NSUN7: variants seen among roughly 807,000 people sequenced by gnomAD.
NSUN7 encodes protein NSUN7.
Under a neutral mutation model 58.5 loss-of-function variants are expected in NSUN7, and 39 were observed. The observed-to-expected ratio is 0.67, with a 90% CI of 0.52 to 0.87. The LOEUF (loss-of-function observed/expected upper bound fraction) is 0.87. NSUN7 is among the 40% of genes least tolerant of loss of function. The pLI is 0.00. For synonymous variants in NSUN7, 278 were observed against 303.7 expected (o/e 0.92, Z 0.88); for missense variants, 765 against 844.1 (o/e 0.91, Z 1.16).
In NSUN7 at chr4:40,808,856, ACACACT is replaced by A. The variant is rs780012462; in HGVS notation, c.2078_2083del (p.His693_Ser694del). 2.5e-5 allele frequency: 38 copies of A among 1,548,594 alleles called. No individual in the cohort carries two copies. Among genetic ancestry groups the A allele is most frequent in the Admixed American group, 3.9e-5 (2 of 50,778 alleles). Reference sequence around the variant, plus strand: ...GGCACTTGTGCCCACCTGCCTTCCCACACACTCACTATCCAGAAAAGAGGAAAAGCC... The same window carrying A: ...GGCACTTGTGCCCACCTGCCTTCCCACACTATCCAGAAAAGAGGAAAAGCC... On this transcript the variant is annotated inframe_deletion, in exon 12 of 12. Transcript: ENST00000381782.
At chr4:40,763,082 G>A (rs953104951) in intron 4 of NSUN7, among the ~76,000 whole-genome samples, 22 of 152,160 alleles carry the variant, frequency 1.4e-4, no homozygotes, top group African/African-American at 5.3e-4. Flanking sequence ...GAACTGGAAA[G>A]GGGAGTAGCC....
At chr4:40,761,094 G>A (rs769860867) in intron 3 of NSUN7, 77 bp from the exon 4 acceptor site, 5 of 1,129,526 alleles carry the variant, frequency 4.4e-6, no homozygotes, top group Non-Finnish European at 6.4e-6. Context: ...AAAAATAATG[G>A]AATGGAATGG....
In NSUN7 at chr4:40,807,148, T is replaced by A. The variant is rs1024967945; in HGVS notation, c.1488T>A (p.Ile496=). Residue 496 remains isoleucine, a synonymous_variant, in exon 11 of 12, where the codon ATT becomes ATA. Transcript: ENST00000381782. ...TTTTCAGAATGGAACCATCTGAAAT[T>A]ACCAATGGTTGTTTTCTTTCTATTT... ...DKFFRMEPSE[I]TNGCFLSILT... The A allele has an allele frequency of 2.8e-5, 44 of 1,550,486 alleles. No homozygotes were observed. The highest frequency in any genetic ancestry group is 3.8e-5 in the Non-Finnish European group (44 of 1,146,526).
chr4:40,808,883 A>G lies in NSUN7; in HGVS notation c.2101A>G (p.Lys701Glu). Reference sequence around the variant, plus strand: ...ACACTCACTATCCAGAAAAGAGGAAAAGCCTAAAGATGACACACCTTCCTC... The same window carrying G: ...ACACTCACTATCCAGAAAAGAGGAAGAGCCTAAAGATGACACACCTTCCTC... ...PTHSLSRKEE[K>E]PKDDTPSSLL... Residue 701 changes from lysine (K) to glutamate (E), a missense_variant, in exon 12 of 12, where the codon AAG becomes GAG. By Grantham distance (56) the Lys-to-Glu change is moderately conservative. Coordinates refer to ENST00000381782, the MANE Select transcript of NSUN7 (RefSeq NM_024677.6). The G allele has an allele frequency of 6.5e-7, 1 of 1,545,174 alleles. No individual in the cohort carries two copies. The highest frequency in any genetic ancestry group is 1.2e-5 in the South Asian group (1 of 83,956).
intron 7 of NSUN7, chr4:40,786,111 A>T: frequency 3.9e-6 from 6 of 1,556,464 alleles, no homozygotes; most frequent in Non-Finnish European, 5.2e-6. Flanking sequence ...TGCACCTGGA[A>T]ATGGGGAATG....
At chr4:40,750,538 A>AG (rs1424885080) in intron 1 of NSUN7, 65 bp from the exon 2 acceptor site, 1 of 808,050 alleles carries the variant, frequency 1.2e-6, no homozygotes, top group East Asian at 2.7e-5. Context: ...GCCACAACGA[A>AG]GGGGGCCACC....
At chr4:40,783,837 G>T (rs1364598885) in intron 7 of NSUN7, among the ~76,000 whole-genome samples, 1 of 147,768 alleles carries the variant, frequency 6.8e-6, no homozygotes, top group East Asian at 2.0e-4. Flanking sequence ...AACAGAGCGA[G>T]AATCCATTTA....
At chr4:40,754,370 A>ACTC (rs1741029738) in intron 2 of NSUN7, among the ~76,000 whole-genome samples, 1 of 150,802 alleles carries the variant, frequency 6.6e-6, no homozygotes, top group Non-Finnish European at 1.5e-5. Context: ...CTGGTCTTGA[A>ACTC]CTCCTAACCT....
rs147511836 is a variant in NSUN7 at position 40,778,932 on chromosome 4, T to C, written c.1036+2673T>C. Among the ~76,000 whole-genome samples the C allele has an allele frequency of 5.3e-5, 8 of 152,290 alleles. No individual in the cohort carries two copies. The East Asian group carries it at 1.5e-3, about 29-fold the overall frequency. On this transcript the variant is annotated intron_variant, in intron 7 of 11. Transcript: ENST00000381782. ...TTTTTATATCCACCAAAAATACTCT[T>C]TGAAATAAAATAAAATAAAGATATT...
At chr4:40,808,262 A>G (rs1423175436) in intron 11 of NSUN7, 45 bp from the exon 12 acceptor site, 2 of 1,547,018 alleles carry the variant, frequency 1.3e-6, no homozygotes, top group African/African-American at 1.4e-5. Context: ...GGGAGACACA[A>G]TAATAGCTAA....
At position 40,808,778 on chromosome 4, in the gene NSUN7, AT is replaced by A; in HGVS notation, c.1997del (p.Ile666ThrfsTer76). 1 of 1,549,200 alleles carries A rather than the reference AT, an allele frequency of 6.5e-7. No homozygotes were observed. The highest frequency in any genetic ancestry group is 1.2e-5 in the South Asian group (1 of 83,828). ...VFMPFSSPQG[I>X]RSRMPTQHLY... ...TATGCCATTTTCAAGTCCCCAAGGG[AT>A]CAGATCTCGGATGCCAACTCAACAT... On this transcript the variant is annotated frameshift_variant, in exon 12 of 12. Coordinates refer to ENST00000381782, the MANE Select transcript of NSUN7 (RefSeq NM_024677.6). LOFTEE classifies it low-confidence loss of function (END_TRUNC).
chr4:40,797,340 C>G (rs1743364866), intron 9 of NSUN7, among the ~76,000 whole-genome samples: 1 of 152,154 alleles, frequency 6.6e-6, no homozygotes, highest in African/African-American at 2.4e-5. Context: ...GTCTAAACTT[C>G]CTCTTGAAAC....
intron 7 of NSUN7, among the ~76,000 whole-genome samples, chr4:40,781,934 G>A (rs1376809605): frequency 6.6e-6 from 1 of 152,006 alleles, no homozygotes; most frequent in African/African-American, 2.4e-5. Context: ...AATTATGAAA[G>A]GTTTAATTCA....
At chr4:40,791,316 AAAT>A (rs1743064364) in intron 8 of NSUN7, among the ~76,000 whole-genome samples, 1 of 152,230 alleles carries the variant, frequency 6.6e-6, no homozygotes. Flanking sequence ...AATACATTTA[AAAT>A]AATAATTATT....
At position 40,776,093 on chromosome 4, in the gene NSUN7, A is replaced by T; in HGVS notation, c.870A>T (p.Leu290Phe). Residue 290 changes from leucine to phenylalanine, a missense_variant, in exon 7 of 12, where the codon TTA (leucine) becomes TTT (phenylalanine). By Grantham distance (22) the Leu-to-Phe change is conservative (BLOSUM62 0). Coordinates refer to ENST00000381782, the MANE Select transcript of NSUN7 (RefSeq NM_024677.6). Reference protein sequence around the residue: ...SLAVHSVKALLNMDDDVLMVN... With the variant: ...SLAVHSVKALFNMDDDVLMVN... ...CTGTCCATTCTGTAAAGGCTTTATT[A>T]AATATGGATGATGATGTCTTAATGG... 1 of 1,609,890 alleles carries T rather than the reference A, an allele frequency of 6.2e-7. No individual in the cohort carries two copies. The highest frequency in any genetic ancestry group is 8.5e-7 in the Non-Finnish European group (1 of 1,177,648).
At chr4:40,805,558 T>G (rs2154289523) in intron 10 of NSUN7, among the ~76,000 whole-genome samples, 1 of 152,330 alleles carries the variant, frequency 6.6e-6, no homozygotes, top group Non-Finnish European at 1.5e-5. Flanking sequence ...GTAACTAACG[T>G]GGGACCTATC....
At chr4:40,758,103 A>G (rs1043114618) in intron 2 of NSUN7, among the ~76,000 whole-genome samples, 22 of 152,074 alleles carry the variant, frequency 1.4e-4, no homozygotes, top group Admixed American at 3.3e-4. Flanking sequence ...TATTTTTAGT[A>G]GAAACTGGGT....
At chr4:40,751,187 A>T (rs1392803196) in intron 2 of NSUN7, among the ~76,000 whole-genome samples, 196 bp downstream of exon 2, 1 of 152,178 alleles carries the variant, frequency 6.6e-6, no homozygotes, top group Non-Finnish European at 1.5e-5. Context: ...AGGATTGCAG[A>T]TTTCCCCGTG....
rs540410744 is a variant in NSUN7 at position 40,760,862 on chromosome 4, C to CAA, written c.358-291_358-290dup. Among the ~76,000 whole-genome samples the CAA allele has an allele frequency of 7.8e-3, 470 of 60,084 alleles. 4 individuals are homozygous for CAA. The highest frequency in any genetic ancestry group is 0.018 in the African/African-American group (359 of 19,434). 39.4% of individuals were successfully genotyped at this position (60,084 alleles called of 152,430 possible). ...AGACAACAAGAGTGAAACTCCGTCT[C>CAA]AAAAAAAAAAAAAAAAAAAGATTTA... On this transcript the variant is annotated intron_variant, in intron 3 of 11. Coordinates refer to ENST00000381782, the MANE Select transcript of NSUN7 (RefSeq NM_024677.6).
Sources: gnomAD v4.1 joint callset for allele counts (sites outside exome capture counted in the v4.1 genomes callset) on GRCh38, gnomAD v4.1.1 for gene constraint, MANE v1.5 for transcripts, NCBI Gene and HGNC (gene_info 2026-07-23, HGNC 2026-07-21) for gene names.